The following DNAH12 variants were observed in gnomAD, a reference collection of about 807,000 sequenced individuals.
DNAH12 encodes dynein axonemal heavy chain 12, also known as axonemal beta dynein heavy chain 12.
In DNAH12, 285 loss-of-function variants were observed where a neutral mutation model predicts 371.5. The observed-to-expected ratio is 0.77, with a 90% CI of 0.70 to 0.85. The LOEUF (loss-of-function observed/expected upper bound fraction) is 0.85, where lower values mean the gene tolerates loss of function less well. DNAH12 is among the 40% of genes least tolerant of loss of function. The pLI is 0.00. For missense variants in DNAH12, 3,611 were observed against 3,689.4 expected (o/e 0.98, Z 0.55); for synonymous variants, 1,200 against 1,213.0 (o/e 0.99, Z 0.22).
intron 37 of DNAH12, 72 bp from the exon 38 acceptor site, chr3:57,415,636 G>A: frequency 7.2e-7 from 1 of 1,398,260 alleles, no homozygotes; most frequent in Non-Finnish European, 9.5e-7. Flanking sequence ...AAAGGAGGCG[G>A]TAGTTAAAAG....
intron 39 of DNAH12, among the ~76,000 whole-genome samples, chr3:57,410,785 C>T (rs1363601339): frequency 6.6e-6 from 1 of 151,010 alleles, no homozygotes; most frequent in Non-Finnish European, 1.5e-5. Flanking sequence ...CACTACACTC[C>T]AGCCTGAGTG....
intron 45 of DNAH12, among the ~76,000 whole-genome samples, chr3:57,390,424 A>AATATATATATATATATATATATAT (rs1159621191): frequency 9.0e-5 from 3 of 33,436 alleles, no homozygotes; most frequent in Non-Finnish European, 1.4e-4. Flanking sequence ...AAAAAAAAAA[A>AATATATATATATATATATATATAT]ATATATATAT....
chr3:57,374,107 C>T (rs914469866), intron 55 of DNAH12, among the ~76,000 whole-genome samples: 1 of 152,116 alleles, frequency 6.6e-6, no homozygotes, highest in Non-Finnish European at 1.5e-5. Flanking sequence ...CAATTCACTC[C>T]AGCATAGTAA....
chr3:57,524,245 T>C (rs2068557040), intron 2 of DNAH12, among the ~76,000 whole-genome samples: 1 of 152,134 alleles, frequency 6.6e-6, no homozygotes, highest in African/African-American at 2.4e-5. Flanking sequence ...AGTACCTCCT[T>C]CGATATCCAT....
At position 57,489,638 on chromosome 3, in the gene DNAH12, T is replaced by C; in HGVS notation, c.1385A>G (p.Gln462Arg). 1 of 1,533,374 alleles carries C rather than the reference T, an allele frequency of 6.5e-7. No homozygotes were observed. Among genetic ancestry groups the C allele is most frequent in the Non-Finnish European group, 8.8e-7 (1 of 1,141,856 alleles). 95.0% of individuals were successfully genotyped at this position (1,533,374 alleles called of 1,614,324 possible). ...ACGCACCATAGTGTAATGAATCCAC[T>C]GAGGCAAAAGCATTATTTCTGAGGC... ...SLASEIMLLP[Q>R]WIHYTMVRLD... The change falls in exon 12 of 74, where the codon CAG becomes CGG. Residue 462 changes from glutamine (Q) to arginine (R), a missense_variant. Physicochemically the swap from Gln to Arg is conservative, Grantham distance 43. Around this residue, in one of 3 missense-constraint regions of DNAH12, gnomAD observed 1,314 missense variants for 1,398.7 expected, o/e 0.94. Transcript: ENST00000495027.
At chr3:57,298,552 T>C (rs1272719593) in intron 70 of DNAH12, among the ~76,000 whole-genome samples, 1 of 152,222 alleles carries the variant, frequency 6.6e-6, no homozygotes, top group East Asian at 1.9e-4. Context: ...CAAACTTCAT[T>C]TTTGCTTATG....
chr3:57,326,694 T>A (rs373996764), intron 62 of DNAH12, among the ~76,000 whole-genome samples: 3,578 of 152,132 alleles, frequency 0.024, 63 homozygotes, highest in Admixed American at 0.034. Flanking sequence ...GACAGGTTCA[T>A]ATTCACACAT....
intron 25 of DNAH12, 86 bp downstream of exon 25, chr3:57,452,757 T>C (rs758713706): frequency 2.6e-5 from 32 of 1,223,852 alleles, no homozygotes; most frequent in Non-Finnish European, 3.4e-5. Flanking sequence ...TGTATTCAAC[T>C]ACTCCAGGTA....
rs1044219282 is a variant in DNAH12, at chr3:57,322,490, C to A, written c.10384-7G>T. 2.8e-5 allele frequency: 43 copies of A among 1,549,956 alleles called. No individual in the cohort carries two copies. The African/African-American group carries it at 4.3e-4, about 15-fold the overall frequency. ...GTAGAATTGTTACTGGGAACTAAGA[C>A]AAAATAAATGGAGAGCATTATACAA... On this transcript the variant is annotated splice_region_variant and splice_polypyrimidine_tract_variant and intron_variant, in intron 64 of 73. Coordinates refer to ENST00000495027, the MANE Select transcript of DNAH12 (RefSeq NM_001366028.2).
chr3:57,323,365 G>A (rs2061855098), intron 63 of DNAH12, 104 bp downstream of exon 63: 2 of 1,471,836 alleles, frequency 1.4e-6, no homozygotes, highest in African/African-American at 1.4e-5. Context: ...ACGTTTCTCT[G>A]TAAATATCAG....
intron 35 of DNAH12, among the ~76,000 whole-genome samples, chr3:57,422,440 C>A (rs1019672413): frequency 6.6e-6 from 1 of 151,910 alleles, no homozygotes; most frequent in African/African-American, 2.4e-5. Context: ...GTGATCTGCC[C>A]GCCTCAGCCT....
At chr3:57,488,418 T>C (rs1282067432) in intron 12 of DNAH12, among the ~76,000 whole-genome samples, 2 of 152,102 alleles carry the variant, frequency 1.3e-5, no homozygotes, top group Non-Finnish European at 2.9e-5. Context: ...GGTCTCGAAC[T>C]CCTGACCTCG....
chr3:57,334,160 G>A (rs377031317), intron 62 of DNAH12, among the ~76,000 whole-genome samples: 18 of 152,118 alleles, frequency 1.2e-4, no homozygotes, highest in East Asian at 7.7e-4. Flanking sequence ...GAGATACCAC[G>A]GCTTAAAAAA....
intron 7 of DNAH12, 132 bp from the exon 8 acceptor site, chr3:57,507,970 C>T (rs2067826858): frequency 7.8e-6 from 6 of 765,286 alleles, no homozygotes; most frequent in Middle Eastern, 3.9e-4. Context: ...AGGCAGATCA[C>T]GAGGTCAGGA....
intron 2 of DNAH12, among the ~76,000 whole-genome samples, chr3:57,534,216 G>A (rs925096323): frequency 1.3e-5 from 2 of 152,154 alleles, no homozygotes; most frequent in Non-Finnish European, 2.9e-5. Context: ...CTCTCTCCAT[G>A]CCATGCAGCC....
chr3:57,478,944 C>A (rs1036825634), intron 13 of DNAH12, among the ~76,000 whole-genome samples: 2 of 152,184 alleles, frequency 1.3e-5, no homozygotes, highest in South Asian at 2.1e-4. Flanking sequence ...TGGAAAGGAA[C>A]AATCAGTACC....
At chr3:57,324,918 A>AT (rs986526730) in intron 62 of DNAH12, among the ~76,000 whole-genome samples, 1 of 152,206 alleles carries the variant, frequency 6.6e-6, no homozygotes, top group African/African-American at 2.4e-5. Flanking sequence ...AGGAGATTAT[A>AT]TCCCCCACAT....
chr3:57,378,299 T>C (rs1244248851), intron 52 of DNAH12, among the ~76,000 whole-genome samples: 2 of 151,994 alleles, frequency 1.3e-5, no homozygotes, highest in African/African-American at 2.4e-5. Flanking sequence ...ATGTGGAAAT[T>C]AGCTGAGCTA....
chr3:57,408,808 C>A (rs764910265), intron 39 of DNAH12, among the ~76,000 whole-genome samples: 2 of 152,188 alleles, frequency 1.3e-5, no homozygotes, highest in Admixed American at 6.5e-5. Context: ...TACAGTTTGA[C>A]TCTCCATTTC....
Sources: gnomAD v4.1 joint callset for allele counts (sites outside exome capture counted in the v4.1 genomes callset) on GRCh38, gnomAD v4.1.1 for gene constraint, gnomAD v4.1.1 regional missense constraint, MANE v1.5 for transcripts, NCBI Gene and HGNC (gene_info 2026-07-23, HGNC 2026-07-21) for gene names.